The following LAMA4 variants were observed in gnomAD, a reference collection of about 807,000 sequenced individuals.
LAMA4 encodes laminin subunit alpha 4.
A neutral mutation model predicts 207.1 loss-of-function variants in LAMA4; 127 were observed. The observed-to-expected ratio is 0.61, with a 90% confidence interval of 0.53 to 0.71. The LOEUF is 0.71. Among genes scored for constraint, LAMA4 ranks in the 30% least tolerant of loss-of-function variants. LAMA4 has a pLI of 0.00. For missense variants in LAMA4, 2,093 were observed against 2,246.5 expected (o/e 0.93, Z 1.38); for synonymous variants, 761 against 816.0 (o/e 0.93, Z 1.15).
chr6:112,158,748 C>G lies in LAMA4; in HGVS notation c.1801G>C (p.Ala601Pro), dbSNP rs1554337589. 6.2e-7 allele frequency: 1 copy of G among 1,613,786 alleles called. No homozygotes were observed. The highest frequency in any genetic ancestry group is 2.2e-5 in the East Asian group (1 of 44,862). The change falls in exon 14 of 39, where the codon GCT (alanine) becomes CCT (proline). Residue 601 changes from alanine (A) to proline (P), a missense_variant. Coordinates refer to ENST00000230538, the MANE Select transcript of LAMA4 (RefSeq NM_001105206.3). ...GGATATTACCTGCTCAATTCATTAG[C>G]TTCTTGTTGAAGGTCCTGTGCATGG... ...IDHAQDLQQE[A>P]NELSRKLHSS...
intron 2 of LAMA4, among the ~76,000 whole-genome samples, chr6:112,247,666 C>T (rs924163665): frequency 1.3e-5 from 2 of 152,148 alleles, no homozygotes; most frequent in African/African-American, 2.4e-5. Flanking sequence ...TTCTTTTTTA[C>T]CTGGCCCCTA....
At chr6:112,153,653 A>G (rs11153344) in intron 16 of LAMA4, among the ~76,000 whole-genome samples, 44,237 of 152,040 alleles carry the variant, frequency 0.29, 7,115 homozygotes, top group Admixed American at 0.37. Flanking sequence ...AGACTGACAC[A>G]TTCTGATCTT....
chr6:112,163,875 G>A (rs1554339136), intron 13 of LAMA4, among the ~76,000 whole-genome samples: 1 of 152,176 alleles, frequency 6.6e-6, no homozygotes. Context: ...AGAAGAAAGG[G>A]CATAACTTGA....
intron 2 of LAMA4, among the ~76,000 whole-genome samples, chr6:112,243,081 T>C (rs1448717961): frequency 2.0e-5 from 3 of 152,128 alleles, no homozygotes; most frequent in African/African-American, 7.2e-5. Context: ...AGGGTCCAGA[T>C]AGAGTAGGGG....
rs147799010 is a variant in LAMA4 at position 112,128,863 on chromosome 6, A to G, written c.4287+59T>C. 1,960 of 1,464,120 alleles carry G rather than the reference A, an allele frequency of 1.3e-3. 20 individuals are homozygous for G. In the African/African-American group the frequency reaches 0.025, roughly 19 times the overall value. The allele number at this position is 1,464,120 out of a possible 1,614,324, so 90.7% of individuals were successfully genotyped here. On this transcript the variant is annotated intron_variant, in intron 31 of 38. Coordinates refer to ENST00000230538, the MANE Select transcript of LAMA4 (RefSeq NM_001105206.3). The stretch of plus-strand genomic sequence containing the variant: ...TCAATTCTCTAAAACAGCAGTGTCT[A>G]GAACTGTGTGCATGGAAAATGATGA...
chr6:112,135,290 T>TA (rs1344728878), intron 25 of LAMA4, among the ~76,000 whole-genome samples: 5 of 152,204 alleles, frequency 3.3e-5, no homozygotes, highest in Non-Finnish European at 7.3e-5. Flanking sequence ...CCCTATCCCC[T>TA]AACCCCTGGT....
intron 17 of LAMA4, among the ~76,000 whole-genome samples, chr6:112,148,970 G>A (rs7776209): frequency 0.31 from 45,169 of 145,718 alleles, 7,349 homozygotes; most frequent in African/African-American, 0.44. Flanking sequence ...ATTTGAAGTT[G>A]TGCCCTAATT....
rs527384998 is a variant in LAMA4 at position 112,148,405 on chromosome 6, C to T, written c.2174-69G>A. 775 of 1,507,768 alleles carry T rather than the reference C, an allele frequency of 5.1e-4. 7 individuals are homozygous for T. The South Asian group carries it at 7.5e-3, about 14-fold the overall frequency. The allele number at this position is 1,507,768 out of a possible 1,614,324, so 93.4% of individuals were successfully genotyped here. A position where few individuals can be genotyped will look rare whatever the true frequency, so the allele number is the denominator to read the frequency against. On this transcript the variant is annotated intron_variant, in intron 17 of 38. Transcript: ENST00000230538. ...ATATTTGTTGGGGAACATTAACACC[C>T]CTTTAACCCTTGAATGAAACAGATC...
chr6:112,185,603 G>A (rs1782639270), intron 8 of LAMA4, among the ~76,000 whole-genome samples: 2 of 152,180 alleles, frequency 1.3e-5, no homozygotes, highest in African/African-American at 4.8e-5. Flanking sequence ...TGACCATGGG[G>A]AAAGGGCTCC....
chr6:112,248,934 T>C (rs1722870536), intron 2 of LAMA4, among the ~76,000 whole-genome samples: 2 of 152,214 alleles, frequency 1.3e-5, no homozygotes, highest in South Asian at 4.1e-4. Context: ...TGGGTATAAT[T>C]TTCACTATTT....
chr6:112,119,391 C>A, intron 33 of LAMA4, 80 bp from the exon 34 acceptor site: 1 of 1,465,872 alleles, frequency 6.8e-7, no homozygotes. Context: ...CTTCTTCCAA[C>A]TTTGCTATTG....
At position 112,165,267 on chromosome 6, in the gene LAMA4, C is replaced by G. The variant is rs781950243; in HGVS notation, c.1561G>C (p.Glu521Gln). The stretch of plus-strand genomic sequence containing the variant: ...ACTTCCATTTGTTCCCTCACTCTTT[C>G]CTGTTGTTTCTGCGGGAAGGAAGAG... ...ARQRDHEKQQERVREQMEVVN... is the reference protein window; with the variant it reads ...ARQRDHEKQQQRVREQMEVVN... The change falls in exon 13 of 39, where the codon GAA becomes CAA. Residue 521 changes from glutamate (E) to glutamine (Q), a missense_variant. Physicochemically the swap from Glu to Gln is conservative, Grantham distance 29. Around this residue, in one of 3 missense-constraint regions of LAMA4, gnomAD observed 1,704 missense variants for 1,788.4 expected, o/e 0.95. Transcript: ENST00000230538. 6 of 1,609,386 alleles carry G rather than the reference C, an allele frequency of 3.7e-6. No individual in the cohort carries two copies. The highest frequency in any genetic ancestry group is 1.7e-5 in the Admixed American group (1 of 60,008).
intron 38 of LAMA4, 87 bp from the exon 39 acceptor site, chr6:112,109,669 G>C (rs1398793237): frequency 7.7e-7 from 1 of 1,296,790 alleles, no homozygotes; most frequent in South Asian, 1.2e-5. Context: ...ATACATATTT[G>C]CTCATATCAT....
chr6:112,160,513 CT>C, intron 13 of LAMA4, among the ~76,000 whole-genome samples: 1 of 152,316 alleles, frequency 6.6e-6, no homozygotes, highest in East Asian at 1.9e-4. Flanking sequence ...TTTTCTCTTG[CT>C]TTGACACAGT....
chr6:112,172,077 T>A, intron 12 of LAMA4: 1 of 166,320 alleles, frequency 6.0e-6, no homozygotes, highest in Non-Finnish European at 1.3e-5. Flanking sequence ...GCTTTGTAGG[T>A]GTGGGCATGC....
At chr6:112,133,984 T>C (rs530979667) in intron 26 of LAMA4, among the ~76,000 whole-genome samples, 1 of 152,352 alleles carries the variant, frequency 6.6e-6, no homozygotes, top group East Asian at 1.9e-4. Flanking sequence ...AATGAATCCA[T>C]TTTGGCATTA....
intron 31 of LAMA4, among the ~76,000 whole-genome samples, chr6:112,122,647 G>T (rs1204070915): frequency 1.3e-5 from 2 of 152,112 alleles, no homozygotes; most frequent in Non-Finnish European, 2.9e-5. Context: ...AGTTAACATA[G>T]CAACATCTTC....
At chr6:112,128,853 A>G in intron 31 of LAMA4, 69 bp downstream of exon 31, 1 of 1,342,442 alleles carries the variant, frequency 7.4e-7, no homozygotes, top group East Asian at 2.3e-5. Context: ...TCTCTAAAAC[A>G]GCAGTGTCTA....
chr6:112,185,339 C>A lies in LAMA4; in HGVS notation c.975G>T (p.Leu325Phe), dbSNP rs1554346374. 6.3e-7 allele frequency: 1 copy of A among 1,595,328 alleles called. No homozygotes were observed. The highest frequency in any genetic ancestry group is 1.3e-5 in the African/African-American group (1 of 74,508). The change falls in exon 9 of 39, where the codon TTG (leucine) becomes TTT (phenylalanine). Residue 325 changes from leucine to phenylalanine, a missense_variant. By Grantham distance (22) the Leu-to-Phe change is conservative (BLOSUM62 0). Coordinates refer to ENST00000230538, the MANE Select transcript of LAMA4 (RefSeq NM_001105206.3). ...NATIYLLKTK[L>F]SERENQYALR... ...GGGCGTATTGGTTTTCTCTTTCTGA[C>A]AATTTTGTCTGCAGAAGAATGTGTT...
Sources: gnomAD v4.1 joint callset for allele counts (sites outside exome capture counted in the v4.1 genomes callset) on GRCh38, gnomAD v4.1.1 for gene constraint, gnomAD v4.1.1 regional missense constraint, MANE v1.5 for transcripts, NCBI Gene and HGNC (gene_info 2026-07-23, HGNC 2026-07-21) for gene names.